The following SULT1B1 variants were observed in gnomAD, a reference collection of about 807,000 sequenced individuals.
SULT1B1 encodes the protein sulfotransferase family 1B member 1.
SULT1B1 carries 28 observed loss-of-function variants against 34.6 expected under a neutral mutation model. That is an observed-to-expected ratio of 0.81 (90% CI 0.60 to 1.11). The LOEUF (loss-of-function observed/expected upper bound fraction) is 1.11, where lower values mean the gene tolerates loss of function less well. Ranked by LOEUF, SULT1B1 falls within the 50% of genes least tolerant of loss-of-function variation. The pLI, the probability that SULT1B1 is intolerant of heterozygous loss-of-function variation, is 0.00. For missense variants in SULT1B1, 374 were observed against 352.2 expected (o/e 1.06, Z -0.50); for synonymous variants, 147 against 110.2 (o/e 1.33, Z -2.09).
intron 4 of SULT1B1, among the ~76,000 whole-genome samples, chr4:69,735,888 A>C (rs1241726770): frequency 1.3e-5 from 2 of 152,186 alleles, no homozygotes; most frequent in African/African-American, 4.8e-5. Context: ...TGAGAACCAA[A>C]AATCAGGTGA....
Position 69,749,827 on chromosome 4 carries a change from T to A in SULT1B1, c.278-9A>T. ...CTCCAATTGTTCTATACCTGAGAAA[T>A]TTAGTTAAGTATAGGGAAATATTAG... On this transcript the variant is annotated splice_polypyrimidine_tract_variant and intron_variant, in intron 3 of 7. Transcript: ENST00000310613. 6.2e-7 allele frequency: 1 copy of A among 1,602,954 alleles called. No homozygotes were observed. Among genetic ancestry groups the A allele is most frequent in the Non-Finnish European group, 8.5e-7 (1 of 1,170,138 alleles).
chr4:69,755,176 C>A lies in SULT1B1; in HGVS notation c.42G>T (p.Leu14Phe). Reference protein sequence around the residue: ...PKDILRKDLKLVHGYPMTCAF... With the variant: ...PKDILRKDLKFVHGYPMTCAF... ...CACAGGTCATGGGATAACCATGGAC[C>A]AACTTCAGATCTTTTCGCAGAATAT... Residue 14 changes from leucine to phenylalanine, a missense_variant, in exon 2 of 8, where the codon TTG (leucine) becomes TTT (phenylalanine). Physicochemically the swap from Leu to Phe is conservative, Grantham distance 22 (BLOSUM62 0). Coordinates refer to ENST00000310613, the MANE Select transcript of SULT1B1 (RefSeq NM_014465.4). 6.2e-7 allele frequency: 1 copy of A among 1,613,670 alleles called. No homozygotes were observed. Among genetic ancestry groups the A allele is most frequent in the Non-Finnish European group, 8.5e-7 (1 of 1,179,626 alleles).
Position 69,725,292 on chromosome 4 carries a change from A to C in SULT1B1, c.*1796T>G, listed in dbSNP as rs543834014. Reference sequence around the variant, plus strand: ...AAAATGCTCATCATCACTGGCCATCAGGGAAATGCAAATCAAAACCACAAT... The same window carrying C: ...AAAATGCTCATCATCACTGGCCATCCGGGAAATGCAAATCAAAACCACAAT... On this transcript the variant is annotated 3_prime_UTR_variant, in exon 8 of 8. Transcript: ENST00000310613. The C allele has an allele frequency of 6.6e-6, 1 of 152,338 alleles. No individual in the cohort carries two copies. Among genetic ancestry groups the C allele is most frequent in the East Asian group, 1.9e-4 (1 of 5,184 alleles). The allele number at this position is 152,338 out of a possible 1,614,324, so 9.4% of individuals were successfully genotyped here.
chr4:69,734,206 A>C lies in SULT1B1; in HGVS notation c.434T>G (p.Leu145Ter). The change falls in exon 5 of 8, where the codon TTA becomes TGA. Residue 145 changes from leucine to a stop codon, truncating the protein, a stop_gained. Transcript: ENST00000310613. LOFTEE classifies it high-confidence loss of function. ...AGGAAAAGGCTGTAAATTATTCATT[A>C]AGTCAAAATGGTAATATGAGACTGA... ...DVSVSYYHFD[L>*]MNNLQPFPGT... 1.2e-6 allele frequency: 2 copies of C among 1,613,338 alleles called. No homozygotes were observed. The highest frequency in any genetic ancestry group is 1.7e-6 in the Non-Finnish European group (2 of 1,179,562).
chr4:69,736,378 C>T lies in SULT1B1; in HGVS notation c.376-2114G>A, dbSNP rs145760289. Among the ~76,000 whole-genome samples the T allele has an allele frequency of 6.4e-4, 97 of 152,286 alleles. No homozygotes were observed. In the South Asian group the frequency reaches 7.0e-3, roughly 11 times the overall value. ...TGAGACATACAAGACTAAGGGACTGCTTGTGCCACCCTTCCCCAGACTCCA... is the reference window on the plus strand; with the variant it reads ...TGAGACATACAAGACTAAGGGACTGTTTGTGCCACCCTTCCCCAGACTCCA... On this transcript the variant is annotated intron_variant, in intron 4 of 7. Coordinates refer to ENST00000310613, the MANE Select transcript of SULT1B1 (RefSeq NM_014465.4).
At chr4:69,740,553 G>T (rs1718507279) in intron 4 of SULT1B1, among the ~76,000 whole-genome samples, 1 of 152,092 alleles carries the variant, frequency 6.6e-6, no homozygotes, top group South Asian at 2.1e-4. Context: ...GTGAGATTTG[G>T]GTAGAGACAC....
chr4:69,750,939 T>A (rs528582111), intron 3 of SULT1B1, among the ~76,000 whole-genome samples: 2 of 152,222 alleles, frequency 1.3e-5, no homozygotes, highest in Non-Finnish European at 2.9e-5. Context: ...AATTAAAAAA[T>A]GTGAAAATCC....
chr4:69,746,344 T>G (rs1163254070), intron 4 of SULT1B1, among the ~76,000 whole-genome samples: 1 of 152,228 alleles, frequency 6.6e-6, no homozygotes, highest in Non-Finnish European at 1.5e-5. Flanking sequence ...GAAATTCCAG[T>G]GAGTCACAGG....
intron 6 of SULT1B1, among the ~76,000 whole-genome samples, chr4:69,732,688 T>A (rs1718129675): frequency 6.6e-6 from 1 of 151,246 alleles, no homozygotes; most frequent in Non-Finnish European, 1.5e-5. Context: ...TTCCATAATG[T>A]GGCATGAAAA....
At chr4:69,737,344 T>C (rs1718358251) in intron 4 of SULT1B1, among the ~76,000 whole-genome samples, 1 of 152,070 alleles carries the variant, frequency 6.6e-6, no homozygotes, top group South Asian at 2.1e-4. Context: ...ATGAAATAGC[T>C]AAGGGAAGTT....
chr4:69,740,605 A>G (rs892642152), intron 4 of SULT1B1, among the ~76,000 whole-genome samples: 2 of 152,218 alleles, frequency 1.3e-5, no homozygotes, highest in African/African-American at 4.8e-5. Flanking sequence ...TTCCTTTGCT[A>G]CTGTGACTAG....
rs1016437262 is a variant in SULT1B1, at chr4:69,724,442, C to A, written c.*2646G>T. ...AATCAATATCATGAAAATGGCCATA[C>A]TGCCCAAGGTCATTTATAGATTCAA... On this transcript the variant is annotated 3_prime_UTR_variant, in exon 8 of 8. Transcript: ENST00000310613. 6.6e-6 allele frequency: 1 copy of A among 152,192 alleles called. No homozygotes were observed. The highest frequency in any genetic ancestry group is 1.9e-4 in the East Asian group (1 of 5,198). 9.4% of individuals were successfully genotyped at this position (152,192 alleles called of 1,614,324 possible). A position where few individuals can be genotyped will look rare whatever the true frequency, so the allele number is the denominator to read the frequency against.
At chr4:69,755,470 A>G (rs755590787) in intron 1 of SULT1B1, among the ~76,000 whole-genome samples, 25 of 152,190 alleles carry the variant, frequency 1.6e-4, no homozygotes, top group Middle Eastern at 3.2e-3. Flanking sequence ...TCTCTAGTGG[A>G]AGTTTTGGAA....
intron 5 of SULT1B1, 44 bp from the exon 6 acceptor site, chr4:69,733,551 T>C (rs780838232): frequency 7.2e-7 from 1 of 1,388,016 alleles, no homozygotes; most frequent in Admixed American, 2.2e-5. Context: ...TTCATCAAAT[T>C]AAATATTTCT....
At chr4:69,734,807 A>C (rs1453458243) in intron 4 of SULT1B1, among the ~76,000 whole-genome samples, 2 of 150,724 alleles carry the variant, frequency 1.3e-5, no homozygotes, top group African/African-American at 4.9e-5. Flanking sequence ...GTATAGACTC[A>C]CTATTTTCTA....
rs1452545665 is a variant in SULT1B1, at chr4:69,725,622, A to C, written c.*1466T>G. On this transcript the variant is annotated 3_prime_UTR_variant, in exon 8 of 8. Coordinates refer to ENST00000310613, the MANE Select transcript of SULT1B1 (RefSeq NM_014465.4). ...AATAGCAAAGACTTGGAACCAACCCAAATGTCCATCAATGATAGACTGGAT... is the reference window on the plus strand; with the variant it reads ...AATAGCAAAGACTTGGAACCAACCCCAATGTCCATCAATGATAGACTGGAT... 1 of 152,192 alleles carries C rather than the reference A, an allele frequency of 6.6e-6. No individual in the cohort carries two copies. 9.4% of individuals were successfully genotyped at this position (152,192 alleles called of 1,614,324 possible).
rs906802706 is a variant in SULT1B1, at chr4:69,725,267, A to T, written c.*1821T>A. 1.3e-5 allele frequency: 2 copies of T among 152,358 alleles called. No individual in the cohort carries two copies. Among genetic ancestry groups the T allele is most frequent in the African/African-American group, 4.8e-5 (2 of 41,584 alleles). 9.4% of individuals were successfully genotyped at this position (152,358 alleles called of 1,614,324 possible). The stretch of plus-strand genomic sequence containing the variant: ...TTTATGCAGCCAACAGACACATGAA[A>T]AAATGCTCATCATCACTGGCCATCA... On this transcript the variant is annotated 3_prime_UTR_variant, in exon 8 of 8. Transcript: ENST00000310613.
At position 69,758,730 on chromosome 4, in the gene SULT1B1, C is replaced by A. The variant is rs546268730; in HGVS notation, c.-45+1729G>T. On this transcript the variant is annotated intron_variant, in intron 1 of 7. Transcript: ENST00000310613. ...ATAGACAAATTGATTCCCCATGTAG[C>A]AAGTAGCTTATATTATATATTTATA... Among the ~76,000 whole-genome samples the A allele has an allele frequency of 4.6e-5, 7 of 152,262 alleles. No individual in the cohort carries two copies. The East Asian group carries it at 1.3e-3, about 29-fold the overall frequency.
chr4:69,756,208 T>G (rs78690000), intron 1 of SULT1B1, among the ~76,000 whole-genome samples: 7,059 of 152,244 alleles, frequency 0.046, 235 homozygotes, highest in East Asian at 0.093. Flanking sequence ...GTTTAACATC[T>G]GGGTAATTCT....
Sources: allele counts gnomAD v4.1 joint callset (sites outside exome capture counted in the v4.1 genomes callset), GRCh38; gene constraint gnomAD v4.1.1; transcripts MANE v1.5; gene names NCBI Gene and HGNC (gene_info 2026-07-23, HGNC 2026-07-21).